Variants in ADCY2 observed in about 807,000 individuals in gnomAD.
The protein encoded by ADCY2 is adenylate cyclase 2.
Under a neutral mutation model 125.2 loss-of-function variants are expected in ADCY2, and 31 were observed. The observed-to-expected ratio is 0.25, with a 90% CI of 0.19 to 0.33. The LOEUF (loss-of-function observed/expected upper bound fraction) is 0.33. Ranked by LOEUF, ADCY2 falls within the 10% of genes least tolerant of loss-of-function variation. The pLI, the probability that ADCY2 is intolerant of heterozygous loss-of-function variation, is 1.00. For synonymous variants in ADCY2, 512 were observed against 548.4 expected (o/e 0.93, Z 0.93); for missense variants, 904 against 1,418.2 (o/e 0.64, Z 5.82).
chr5:7,815,471 GGTGCACAGAATC>G, intron 22 of ADCY2, among the ~76,000 whole-genome samples: 1 of 152,096 alleles, frequency 6.6e-6, no homozygotes, highest in East Asian at 1.9e-4. Context: ...ACCCCACTTT[GGTGCACAGAATC>G]GTTAAGTATT....
chr5:7,717,562 A>C (rs1466888903), intron 12 of ADCY2, among the ~76,000 whole-genome samples: 4 of 152,174 alleles, frequency 2.6e-5, no homozygotes, highest in African/African-American at 9.7e-5. Context: ...AAACCTTCAA[A>C]TTTTAGCATA....
intron 2 of ADCY2, among the ~76,000 whole-genome samples, chr5:7,457,452 C>G (rs1426507306): frequency 6.6e-6 from 1 of 152,104 alleles, no homozygotes; most frequent in Non-Finnish European, 1.5e-5. Flanking sequence ...GCTCCAGGCT[C>G]TTCCAGGATT....
intron 15 of ADCY2, among the ~76,000 whole-genome samples, chr5:7,752,702 GA>G (rs34058316): frequency 9.6e-5 from 14 of 146,014 alleles, no homozygotes; most frequent in East Asian, 2.0e-4. Context: ...AACAAGGGAA[GA>G]AAAAAAAAAG....
intron 2 of ADCY2, among the ~76,000 whole-genome samples, chr5:7,422,272 C>T (rs535335512): frequency 1.6e-4 from 24 of 151,928 alleles, no homozygotes; most frequent in African/African-American, 5.1e-4. Context: ...AACTCTTGGC[C>T]GCAAGCAATC....
chr5:7,809,235 T>G (rs953540156), intron 22 of ADCY2, among the ~76,000 whole-genome samples: 5 of 152,218 alleles, frequency 3.3e-5, no homozygotes, highest in African/African-American at 9.6e-5. Context: ...TGTAGTCATA[T>G]CCATGGAGGG....
chr5:7,572,915 A>T (rs190486308), intron 3 of ADCY2, among the ~76,000 whole-genome samples: 9 of 152,246 alleles, frequency 5.9e-5, no homozygotes, highest in Admixed American at 5.9e-4. Flanking sequence ...CCATAATAGG[A>T]CTATATTTGG....
intron 3 of ADCY2, among the ~76,000 whole-genome samples, chr5:7,623,885 A>T (rs1738036320): frequency 6.6e-6 from 1 of 152,204 alleles, no homozygotes; most frequent in Admixed American, 6.5e-5. Flanking sequence ...TACCACACAC[A>T]GACCACACAC....
chr5:7,455,929 T>C (rs1384420264), intron 2 of ADCY2, among the ~76,000 whole-genome samples: 16 of 149,146 alleles, frequency 1.1e-4, no homozygotes, highest in Non-Finnish European at 1.5e-5. Context: ...TATAAGTTAT[T>C]AGGAAAGCAT....
chr5:7,554,278 T>G (rs1427615029), intron 3 of ADCY2, among the ~76,000 whole-genome samples: 1 of 152,244 alleles, frequency 6.6e-6, no homozygotes, highest in Non-Finnish European at 1.5e-5. Flanking sequence ...GTCTTGATTT[T>G]TCAATAGAGG....
At chr5:7,710,828 T>C (rs1741416421) in intron 10 of ADCY2, among the ~76,000 whole-genome samples, 1 of 152,042 alleles carries the variant, frequency 6.6e-6, no homozygotes. Context: ...ATTCTAAGAG[T>C]TTAGCAGTGG....
intron 4 of ADCY2, among the ~76,000 whole-genome samples, chr5:7,661,726 G>A (rs947130186): frequency 1.3e-5 from 2 of 152,192 alleles, no homozygotes; most frequent in African/African-American, 4.8e-5. Flanking sequence ...ATGTCAATCA[G>A]TTCTTGAAAT....
At position 7,709,430 on chromosome 5, in the gene ADCY2, G is replaced by T. The variant is rs775904068; in HGVS notation, c.1578+43G>T. ...TCCAATGCCTGAGCACTGGGGGAAA[G>T]CTAACTTCCCAAAACCAAAGGCTGG... On this transcript the variant is annotated intron_variant, in intron 10 of 24. Coordinates refer to ENST00000338316, the MANE Select transcript of ADCY2 (RefSeq NM_020546.3). The surrounding 1 kb of genome is among the most constrained non-coding windows in gnomAD (Gnocchi z 4.4). 6.6e-7 allele frequency: 1 copy of T among 1,504,798 alleles called. No individual in the cohort carries two copies. The highest frequency in any genetic ancestry group is 8.9e-7 in the Non-Finnish European group (1 of 1,127,246). 93.2% of individuals were successfully genotyped at this position (1,504,798 alleles called of 1,614,324 possible).
intron 2 of ADCY2, among the ~76,000 whole-genome samples, chr5:7,422,359 C>T (rs1185509895): frequency 6.6e-6 from 1 of 152,048 alleles, no homozygotes; most frequent in African/African-American, 2.4e-5. Context: ...GATTTTCTGA[C>T]AAGCACGGAT....
chr5:7,581,967 A>G (rs1261934448), intron 3 of ADCY2, among the ~76,000 whole-genome samples: 1 of 152,208 alleles, frequency 6.6e-6, no homozygotes, highest in Admixed American at 6.5e-5. Flanking sequence ...GACTAGAAAC[A>G]CTGACTAAAA....
At chr5:7,602,061 C>T (rs964736269) in intron 3 of ADCY2, among the ~76,000 whole-genome samples, 3 of 152,162 alleles carry the variant, frequency 2.0e-5, no homozygotes, top group Non-Finnish European at 4.4e-5. Flanking sequence ...CTTCACATGG[C>T]CTTCTGCACT....
At chr5:7,542,192 G>T (rs895737236) in intron 3 of ADCY2, among the ~76,000 whole-genome samples, 1 of 152,148 alleles carries the variant, frequency 6.6e-6, no homozygotes, top group Non-Finnish European at 1.5e-5. Context: ...CTCTCCTGAT[G>T]TTCCAAATGG....
chr5:7,528,772 C>T (rs1734552264), intron 3 of ADCY2, among the ~76,000 whole-genome samples: 2 of 152,334 alleles, frequency 1.3e-5, no homozygotes, highest in East Asian at 1.9e-4. Flanking sequence ...TTCCCCAATC[C>T]GTGCATGTTT....
chr5:7,817,789 A>G (rs1745162272), intron 23 of ADCY2, among the ~76,000 whole-genome samples: 2 of 143,768 alleles, frequency 1.4e-5, no homozygotes, highest in African/African-American at 5.3e-5. Context: ...TGCCACTGCA[A>G]TCCAGCCTGG....
intron 2 of ADCY2, among the ~76,000 whole-genome samples, chr5:7,518,896 G>A (rs1052131211): frequency 7.9e-5 from 12 of 152,210 alleles, no homozygotes; most frequent in African/African-American, 2.9e-4. Flanking sequence ...AGGCCCCTGA[G>A]AGCTGGGGCT....
Sources: gnomAD v4.1 joint callset for allele counts (sites outside exome capture counted in the v4.1 genomes callset) on GRCh38, gnomAD v4.1.1 for gene constraint, Gnocchi (gnomAD v3.1) non-coding constraint, MANE v1.5 for transcripts, NCBI Gene and HGNC (gene_info 2026-07-23, HGNC 2026-07-21) for gene names.